Variants in SEC16B observed in about 807,000 individuals in gnomAD.
SEC16B encodes protein transport protein Sec16B.
A neutral mutation model predicts 141.8 loss-of-function variants in SEC16B; 115 were observed. That is an observed-to-expected ratio of 0.81 (90% CI 0.70 to 0.95). The LOEUF (loss-of-function observed/expected upper bound fraction) is 0.95. Ranked by LOEUF, SEC16B falls within the 40% of genes least tolerant of loss-of-function variation. SEC16B has a pLI of 0.00. For missense variants in SEC16B, 1,291 were observed against 1,312.3 expected, an observed-to-expected ratio of 0.98 and a Z score of 0.25; for synonymous variants, 493 against 492.5, an observed-to-expected ratio of 1.00 and a Z score of -0.01.
At chr1:177,968,908 T>A (rs761950212) in intron 1 of SEC16B, among the ~76,000 whole-genome samples, 4 of 152,178 alleles carry the variant, frequency 2.6e-5, no homozygotes, top group African/African-American at 4.8e-5. Flanking sequence ...AGCATCAAAC[T>A]AATTTTCCCC....
chr1:177,929,627 C>T lies in SEC16B; in HGVS notation c.*231G>A. On this transcript the variant is annotated 3_prime_UTR_variant, in exon 26 of 26. Coordinates refer to ENST00000308284, the MANE Select transcript of SEC16B (RefSeq NM_033127.4). ...TGTGCAGTCTGCTATTAGACCCAGA[C>T]TTTCCACCTGATGAAATAATTTCCA... 1.8e-6 allele frequency: 1 copy of T among 547,526 alleles called. No homozygotes were observed. The highest frequency in any genetic ancestry group is 3.1e-5 in the Admixed American group (1 of 31,994). 33.9% of individuals were successfully genotyped at this position (547,526 alleles called of 1,614,324 possible).
Position 177,961,684 on chromosome 1 carries a change from G to A in SEC16B, c.693C>T (p.Leu231=), listed in dbSNP as rs144579723. The change falls in exon 6 of 26, where the codon CTC becomes CTT. Residue 231 remains leucine (L), a synonymous_variant. Transcript: ENST00000308284. ...GACTGAGCTCATAGCTGCTGGAGCT[G>A]AGACCAGACTCACGCTGCTGGAGAA... ...SNLLQQRESG[L]SSSSYELSQY... 4 of 1,613,996 alleles carry A rather than the reference G, an allele frequency of 2.5e-6. No homozygotes were observed. Among genetic ancestry groups the A allele is most frequent in the Admixed American group, 3.3e-5 (2 of 60,024 alleles).
In SEC16B at chr1:177,944,748, C is replaced by T; in HGVS notation, c.1776-82G>A. 1.7e-6 allele frequency: 2 copies of T among 1,143,200 alleles called. 1 individual carries two copies. The highest frequency in any genetic ancestry group is 2.7e-5 in the South Asian group (2 of 72,778). 70.8% of individuals were successfully genotyped at this position (1,143,200 alleles called of 1,614,324 possible). On this transcript the variant is annotated intron_variant, in intron 14 of 25. Coordinates refer to ENST00000308284, the MANE Select transcript of SEC16B (RefSeq NM_033127.4). ...ATCCTAGTGGCTCTCCAAACACCAG[C>T]TGCAGCCTTTCATGGGGGAGTTTCC...
chr1:177,960,833 G>A lies in SEC16B; in HGVS notation c.894C>T (p.Pro298=), dbSNP rs1167841977. Residue 298 remains proline (P), a synonymous_variant, in exon 7 of 26, where the codon CCC becomes CCT. Coordinates refer to ENST00000308284, the MANE Select transcript of SEC16B (RefSeq NM_033127.4). ...CAACAAGGGCTGCTTGCCCGTCAGT[G>A]GGAGAGCTGGGACCTACATGCACCA... ...GQLVHVGPSS[P]TDGQAALVEL... 6.8e-6 allele frequency: 11 copies of A among 1,607,230 alleles called. No homozygotes were observed. The highest frequency in any genetic ancestry group is 6.7e-5 in the African/African-American group (5 of 74,654).
intron 25 of SEC16B, among the ~76,000 whole-genome samples, chr1:177,930,262 CA>C (rs1322335523): frequency 6.6e-6 from 1 of 152,150 alleles, no homozygotes; most frequent in Non-Finnish European, 1.5e-5. Context: ...ATACCAACAC[CA>C]ACTGTGTCTC....
At chr1:177,938,147 G>A (rs1651004035) in intron 18 of SEC16B, among the ~76,000 whole-genome samples, 1 of 152,132 alleles carries the variant, frequency 6.6e-6, no homozygotes, top group Non-Finnish European at 1.5e-5. Flanking sequence ...CACAAATGCT[G>A]ACTAAATGAG....
intron 1 of SEC16B, among the ~76,000 whole-genome samples, chr1:177,977,328 G>A (rs1030496423): frequency 1.3e-5 from 2 of 152,184 alleles, no homozygotes; most frequent in South Asian, 2.1e-4. Context: ...CCCTGCAGGC[G>A]AAGCAGTGTC....
At chr1:177,962,904 C>A (rs956219238) in intron 5 of SEC16B, among the ~76,000 whole-genome samples, 5 of 151,640 alleles carry the variant, frequency 3.3e-5, no homozygotes, top group African/African-American at 1.2e-4. Flanking sequence ...GTAAGGATTT[C>A]CAGACCAGCC....
intron 3 of SEC16B, among the ~76,000 whole-genome samples, chr1:177,965,392 T>C (rs1653436005): frequency 1.4e-5 from 2 of 139,690 alleles, no homozygotes; most frequent in Admixed American, 1.5e-4. Flanking sequence ...CGCACAACGA[T>C]GGGGATTGGT....
At chr1:177,955,429 C>A (rs1652523764) in intron 10 of SEC16B, among the ~76,000 whole-genome samples, 1 of 152,166 alleles carries the variant, frequency 6.6e-6, no homozygotes, top group South Asian at 2.1e-4. Flanking sequence ...CTCACTGCAA[C>A]CTCCACTTCC....
chr1:177,948,035 G>A, intron 12 of SEC16B, 93 bp from the exon 13 acceptor site: 1 of 1,038,118 alleles, frequency 9.6e-7, no homozygotes, highest in Non-Finnish European at 1.5e-6. Flanking sequence ...GTTCAGAAGT[G>A]GTCAGAGAAT....
upstream of SEC16B, among the ~76,000 whole-genome samples, chr1:177,971,749 A>G (rs1421471782): frequency 6.6e-6 from 1 of 152,246 alleles, no homozygotes; most frequent in African/African-American, 2.4e-5. Context: ...CCAAGATCAC[A>G]AAGTTACCTA....
intron 24 of SEC16B, among the ~76,000 whole-genome samples, chr1:177,932,191 G>C (rs561973897): frequency 2.0e-5 from 3 of 152,186 alleles, no homozygotes; most frequent in Admixed American, 6.5e-5. Context: ...CAGAGGAAAG[G>C]CCATGTGAAG....
rs1557985661 is a variant in SEC16B, at chr1:177,960,271, A to C, written c.998+71T>G. The C allele has an allele frequency of 1.8e-5, 18 of 995,806 alleles. 1 individual carries two copies. In the South Asian group the frequency reaches 2.5e-4, roughly 14 times the overall value. 61.7% of individuals were successfully genotyped at this position (995,806 alleles called of 1,614,324 possible). On this transcript the variant is annotated intron_variant, in intron 8 of 25. Coordinates refer to ENST00000308284, the MANE Select transcript of SEC16B (RefSeq NM_033127.4). Reference sequence around the variant, plus strand: ...AAGGAAACCAAGAACAAATCTCCAAAATGCTGATCTGGGCAGGAAGATTTT... The same window carrying C: ...AAGGAAACCAAGAACAAATCTCCAACATGCTGATCTGGGCAGGAAGATTTT...
intron 9 of SEC16B, 32 bp downstream of exon 9, chr1:177,958,808 T>C (rs777838796): frequency 1.0e-5 from 16 of 1,592,832 alleles, no homozygotes; most frequent in African/African-American, 1.4e-5. Flanking sequence ...AATTTCAGCC[T>C]GCACCTGCTC....
At chr1:177,980,558 A>T (rs563340853) in intron 1 of SEC16B, among the ~76,000 whole-genome samples, 1 of 152,174 alleles carries the variant, frequency 6.6e-6, no homozygotes, top group South Asian at 2.1e-4. Context: ...ATGCGGCAAT[A>T]ATCATTTTAG....
chr1:177,944,351 G>A (rs969874205), intron 15 of SEC16B, among the ~76,000 whole-genome samples: 1 of 152,198 alleles, frequency 6.6e-6, no homozygotes, highest in African/African-American at 2.4e-5. Context: ...CAGCAGAGAG[G>A]CCTCTGCAAG....
rs1279825501 is a variant in SEC16B at position 177,933,427 on chromosome 1, C to T, written c.2724+57G>A. The stretch of plus-strand genomic sequence containing the variant: ...CAGACTTCCAAGTCTGCACCACCCT[C>T]GAGGAAGGGAATGGCAGGGGAAGGA... On this transcript the variant is annotated intron_variant, in intron 21 of 25. Coordinates refer to ENST00000308284, the MANE Select transcript of SEC16B (RefSeq NM_033127.4). The T allele has an allele frequency of 1.3e-5, 21 of 1,587,526 alleles. No homozygotes were observed. In the Admixed American group the frequency reaches 1.6e-4, roughly 12 times the overall value.
chr1:177,982,411 G>A (rs1042739870), intron 1 of SEC16B, among the ~76,000 whole-genome samples: 5 of 152,218 alleles, frequency 3.3e-5, no homozygotes, highest in African/African-American at 1.2e-4. Context: ...GAAGGGATTT[G>A]TCCTGGGTCA....
Sources: allele counts gnomAD v4.1 joint callset (sites outside exome capture counted in the v4.1 genomes callset), GRCh38; gene constraint gnomAD v4.1.1; transcripts MANE v1.5; gene names NCBI Gene and HGNC (gene_info 2026-07-23, HGNC 2026-07-21).